Variants in TRIM66 observed in about 807,000 individuals in gnomAD.
The protein encoded by TRIM66 is tripartite motif-containing protein 66.
Under a neutral mutation model 148.2 loss-of-function variants are expected in TRIM66, and 99 were observed. That is an observed-to-expected ratio of 0.67 (90% CI 0.57 to 0.79). TRIM66 has a LOEUF of 0.79. Among genes scored for constraint, TRIM66 ranks in the 30% least tolerant of loss-of-function variants. TRIM66 has a pLI of 0.00. For synonymous variants in TRIM66, 616 were observed against 635.9 expected (o/e 0.97, Z 0.47); for missense variants, 1,666 against 1,697.9 (o/e 0.98, Z 0.33).
chr11:8,649,733 TTGG>T lies in TRIM66; in HGVS notation c.592+4_592+6del. The T allele has an allele frequency of 6.4e-7, 1 of 1,550,772 alleles. No individual in the cohort carries two copies. Among genetic ancestry groups the T allele is most frequent in the Non-Finnish European group, 8.7e-7 (1 of 1,146,878 alleles). On this transcript the variant is annotated splice_donor_5th_base_variant and intron_variant, in intron 8 of 24. Transcript: ENST00000646038. ...TGGGAGTGGGCAGGGAGAGGTGGGA[TTGG>T]TACCTGGAGATCCCTTCTGGGCCCG...
At chr11:8,645,977 G>T in intron 11 of TRIM66, 90 bp from the exon 12 acceptor site, 1 of 1,250,600 alleles carries the variant, frequency 8.0e-7, no homozygotes, top group Non-Finnish European at 1.1e-6. Flanking sequence ...GTGTGTCACT[G>T]ATGGAATCAG....
intron 14 of TRIM66, among the ~76,000 whole-genome samples, chr11:8,639,917 T>C (rs889053564): frequency 6.6e-6 from 1 of 151,970 alleles, no homozygotes; most frequent in Non-Finnish European, 1.5e-5. Flanking sequence ...CTGGCAGGAG[T>C]TCAGCACAGC....
intron 6 of TRIM66, among the ~76,000 whole-genome samples, chr11:8,665,372 G>C (rs573559749): frequency 6.6e-6 from 1 of 152,334 alleles, no homozygotes; most frequent in African/African-American, 2.4e-5. Flanking sequence ...AAAATATTCA[G>C]TGGGCAACTG....
chr11:8,676,864 C>G (rs577664147), intron 3 of TRIM66, among the ~76,000 whole-genome samples: 1 of 152,172 alleles, frequency 6.6e-6, no homozygotes, highest in Non-Finnish European at 1.5e-5. Flanking sequence ...TCTATATGAA[C>G]GAAGTGCTTT....
At chr11:8,641,762 G>A (rs2036413005) in intron 13 of TRIM66, among the ~76,000 whole-genome samples, 2 of 152,264 alleles carry the variant, frequency 1.3e-5, no homozygotes, top group African/African-American at 4.8e-5. Flanking sequence ...GATCCCTCAT[G>A]AGTGGTTTAG....
rs1230865417 is a variant in TRIM66 at position 8,629,574 on chromosome 11, C to T, written c.2311-4346G>A. On this transcript the variant is annotated intron_variant, in intron 15 of 24. Coordinates refer to ENST00000646038, the MANE Select transcript of TRIM66 (RefSeq NM_001388022.1). ...AGAGATCATATTCGTGGGAAATTGG[C>T]TCTCCTGTCCTAATTACCTATTGCA... is the stretch of plus-strand genomic sequence containing the variant. Among the ~76,000 whole-genome samples, 3 of 152,178 alleles carry T rather than the reference C, an allele frequency of 2.0e-5. No homozygotes were observed. In the East Asian group the frequency reaches 5.8e-4, roughly 29 times the overall value.
At chr11:8,651,497 G>A (rs755908902) in intron 7 of TRIM66, among the ~76,000 whole-genome samples, 3 of 152,076 alleles carry the variant, frequency 2.0e-5, no homozygotes, top group Non-Finnish European at 4.4e-5. Context: ...AGCTGTAAGA[G>A]AGAGAAAAAT....
rs933687754 is a variant in TRIM66, at chr11:8,624,878, A to C, written c.2661T>G (p.Gly887=). The C allele has an allele frequency of 6.4e-7, 1 of 1,551,514 alleles. No individual in the cohort carries two copies. Among genetic ancestry groups the C allele is most frequent in the Non-Finnish European group, 8.7e-7 (1 of 1,146,962 alleles). Residue 887 remains glycine, a synonymous_variant, in exon 16 of 25, where the codon GGT becomes GGG. Coordinates refer to ENST00000646038, the MANE Select transcript of TRIM66 (RefSeq NM_001388022.1). Reference sequence around the variant, plus strand: ...CCAGACTCGGCACAGCCTGGGTGTGACCAGACATTAGGCTGGGCCCAGCCT... The same window carrying C: ...CCAGACTCGGCACAGCCTGGGTGTGCCCAGACATTAGGCTGGGCCCAGCCT... ...HPQAGPSLMS[G]HTQAVPSLAT... is the part of the protein sequence containing the mutation.
rs1013930470 is a variant in TRIM66 at position 8,671,869 on chromosome 11, T to C, written c.257A>G (p.Gln86Arg). The change falls in exon 6 of 25, where the codon CAG (glutamine) becomes CGG (arginine). Residue 86 changes from glutamine to arginine, a missense_variant. By Grantham distance (43) the Gln-to-Arg change is conservative. This residue lies in a region of TRIM66 where 1,431 missense variants were observed against 1,412.4 expected (regional missense o/e 1.01). Transcript: ENST00000646038. Reference sequence around the variant, plus strand: ...GAAGCAGTCCTTACGGAGCAAATGCTGGCAGGATAGGAGATGAGAGCCCAT... The same window carrying C: ...GAAGCAGTCCTTACGGAGCAAATGCCGGCAGGATAGGAGATGAGAGCCCAT... ...PGMGSHLLSC[Q>R]HLLRKDCFQG... 1.3e-6 allele frequency: 2 copies of C among 1,535,950 alleles called. No individual in the cohort carries two copies. The highest frequency in any genetic ancestry group is 2.7e-5 in the African/African-American group (2 of 73,060).
In TRIM66 at chr11:8,680,040, G is replaced by C. The variant is rs948202138; in HGVS notation, c.-524C>G. ...GCCAAGTGCTCTGAAAATGTTGGTTGTTATCCTTGTGGACTGAAGTGTTCT... is the reference window on the plus strand; with the variant it reads ...GCCAAGTGCTCTGAAAATGTTGGTTCTTATCCTTGTGGACTGAAGTGTTCT... On this transcript the variant is annotated 5_prime_UTR_variant, in exon 2 of 25. Coordinates refer to ENST00000646038, the MANE Select transcript of TRIM66 (RefSeq NM_001388022.1). 6.6e-6 allele frequency: 1 copy of C among 152,266 alleles called. No individual in the cohort carries two copies. The highest frequency in any genetic ancestry group is 1.5e-5 in the Non-Finnish European group (1 of 68,090). 9.4% of individuals were successfully genotyped at this position (152,266 alleles called of 1,614,324 possible).
chr11:8,646,063 G>A (rs1354933854), intron 11 of TRIM66, among the ~76,000 whole-genome samples, 176 bp from the exon 12 acceptor site: 1 of 152,188 alleles, frequency 6.6e-6, no homozygotes, highest in Non-Finnish European at 1.5e-5. Context: ...AGGGGAGGGG[G>A]AGATGGTGGG....
chr11:8,668,010 G>T (rs1250297577), intron 6 of TRIM66, among the ~76,000 whole-genome samples: 1 of 152,174 alleles, frequency 6.6e-6, no homozygotes, highest in Non-Finnish European at 1.5e-5. Context: ...CAGCCACACT[G>T]TATTATATTC....
At chr11:8,678,401 T>C (rs895110748) in intron 3 of TRIM66, among the ~76,000 whole-genome samples, 1 of 152,152 alleles carries the variant, frequency 6.6e-6, no homozygotes, top group Non-Finnish European at 1.5e-5. Context: ...ATAAAAAGAA[T>C]ACAAAAGGAT....
In TRIM66 at chr11:8,612,998, T is replaced by C. The variant is rs2033490761; in HGVS notation, c.*4946A>G. 1 of 152,106 alleles carries C rather than the reference T, an allele frequency of 6.6e-6. No individual in the cohort carries two copies. Among genetic ancestry groups the C allele is most frequent in the Non-Finnish European group, 1.5e-5 (1 of 68,034 alleles). The allele number at this position is 152,106 out of a possible 1,614,324, so 9.4% of individuals were successfully genotyped here. A position where few individuals can be genotyped will look rare whatever the true frequency, so the allele number is the denominator to read the frequency against. On this transcript the variant is annotated 3_prime_UTR_variant, in exon 25 of 25. Transcript: ENST00000646038. ...CTTAGCAAACAGGCTAAAACCTCTG[T>C]GTTGTCTGGGAGAGACAGAGGGAAG...
At position 8,625,235 on chromosome 11, in the gene TRIM66, G is replaced by T. The variant is rs2034705643; in HGVS notation, c.2311-7C>A. Reference sequence around the variant, plus strand: ...TGCTCAGCGAGGTGGAGTGCTGCAGGAACAGAGACAAGGGGTAGAGTCAGG... The same window carrying T: ...TGCTCAGCGAGGTGGAGTGCTGCAGTAACAGAGACAAGGGGTAGAGTCAGG... On this transcript the variant is annotated splice_polypyrimidine_tract_variant and splice_region_variant and intron_variant, in intron 15 of 24. Transcript: ENST00000646038. 2 of 1,489,754 alleles carry T rather than the reference G, an allele frequency of 1.3e-6. No individual in the cohort carries two copies. The highest frequency in any genetic ancestry group is 1.4e-5 in the South Asian group (1 of 73,652). 92.3% of individuals were successfully genotyped at this position (1,489,754 alleles called of 1,614,324 possible).
rs545247099 is a variant in TRIM66, at chr11:8,631,347, G to C, written c.2311-6119C>G. On this transcript the variant is annotated intron_variant, in intron 15 of 24. Coordinates refer to ENST00000646038, the MANE Select transcript of TRIM66 (RefSeq NM_001388022.1). ...GCTGGGGATAAAGTAATGCAGATAG[G>C]GTGGTGTTCCACATAAATTAACTTT... 2.0e-5 allele frequency among the ~76,000 whole-genome samples: 3 copies of C among 152,268 alleles called. No homozygotes were observed. The South Asian group carries it at 6.2e-4, about 32-fold the overall frequency.
upstream of TRIM66, chr11:8,682,899 C>T (rs570930820): frequency 7.3e-6 from 11 of 1,496,988 alleles, no homozygotes; most frequent in Admixed American, 1.7e-4. Context: ...TCATCCACTC[C>T]CTACCATGGT....
Position 8,672,003 on chromosome 11 carries a change from G to A in TRIM66, c.123C>T (p.Gly41=). 1.3e-6 allele frequency: 2 copies of A among 1,536,056 alleles called. No homozygotes were observed. Among genetic ancestry groups the A allele is most frequent in the South Asian group, 1.2e-5 (1 of 84,064 alleles). ...CTAGTGGCAGCCCCATAAAGCTCAT[G>A]CCCATGTCCACAGCCATGCCTGTGC... ...VLGTGMAVDM[G]MSFMGLPLAG... is the part of the protein sequence containing the mutation. Residue 41 remains glycine, a synonymous_variant, in exon 6 of 25, where the codon GGC becomes GGT. Transcript: ENST00000646038.
chr11:8,618,756 T>C lies in TRIM66; in HGVS notation c.4113A>G (p.Arg1371=). ...QEGIQPKRRR[R]HMENERAKRM... is the part of the protein sequence containing the mutation. ...GCTGGCAGTAACTCTTTACCATATGTCGTCGCCGCCTCTTGGGTTGGATGC... is the reference window on the plus strand; with the variant it reads ...GCTGGCAGTAACTCTTTACCATATGCCGTCGCCGCCTCTTGGGTTGGATGC... Residue 1371 remains arginine, a synonymous_variant, in exon 24 of 25, where the codon CGA becomes CGG. Coordinates refer to ENST00000646038, the MANE Select transcript of TRIM66 (RefSeq NM_001388022.1). 6.5e-7 allele frequency: 1 copy of C among 1,549,780 alleles called. No individual in the cohort carries two copies. The highest frequency in any genetic ancestry group is 8.7e-7 in the Non-Finnish European group (1 of 1,146,732).
Sources: gnomAD v4.1 joint callset for allele counts (sites outside exome capture counted in the v4.1 genomes callset) on GRCh38, gnomAD v4.1.1 for gene constraint, gnomAD v4.1.1 regional missense constraint, MANE v1.5 for transcripts, NCBI Gene and HGNC (gene_info 2026-07-23, HGNC 2026-07-21) for gene names.